Variants in SND1 observed in about 807,000 individuals in gnomAD.
The protein encoded by SND1 is staphylococcal nuclease and tudor domain containing 1, also known as staphylococcal nuclease domain-containing protein 1.
A neutral mutation model predicts 121.7 loss-of-function variants in SND1; 38 were observed. The observed-to-expected ratio is 0.31, with a 90% CI of 0.24 to 0.41. The LOEUF (loss-of-function observed/expected upper bound fraction) is 0.41, where lower values mean the gene tolerates loss of function less well. Among genes scored for constraint, SND1 ranks in the 10% least tolerant of loss-of-function variants. SND1 has a pLI of 1.00. For synonymous variants in SND1, 401 were observed against 447.4 expected (o/e 0.90, Z 1.31); for missense variants, 868 against 1,184.6 (o/e 0.73, Z 3.92).
At chr7:127,808,495 T>G (rs556256813) in intron 11 of SND1, among the ~76,000 whole-genome samples, 19 of 152,346 alleles carry the variant, frequency 1.2e-4, no homozygotes, top group South Asian at 1.0e-3. Context: ...CTCTGACTTT[T>G]GAACTAATAC....
chr7:127,772,568 GA>G (rs991698306), intron 10 of SND1, among the ~76,000 whole-genome samples: 101 of 152,260 alleles, frequency 6.6e-4, no homozygotes, highest in African/African-American at 2.4e-3. Context: ...CTCATTGTCA[GA>G]AATCCTCAAA....
chr7:127,679,460 A>G (rs73450937), intron 1 of SND1, among the ~76,000 whole-genome samples: 1 of 152,196 alleles, frequency 6.6e-6, no homozygotes, highest in Non-Finnish European at 1.5e-5. Context: ...TATAATTAAC[A>G]TACCATAAAG....
chr7:127,753,046 T>G (rs900311340), intron 10 of SND1, among the ~76,000 whole-genome samples: 1 of 152,172 alleles, frequency 6.6e-6, no homozygotes, highest in Admixed American at 6.5e-5. Context: ...TTTGGCAGCA[T>G]GGAGATAAAC....
At chr7:127,820,013 T>C (rs1798517964) in intron 11 of SND1, among the ~76,000 whole-genome samples, 2 of 152,190 alleles carry the variant, frequency 1.3e-5, no homozygotes, top group South Asian at 2.1e-4. Flanking sequence ...AATCACCCAT[T>C]ATGCCCGCCT....
chr7:127,888,114 T>C, intron 13 of SND1, 102 bp downstream of exon 13: 1 of 660,850 alleles, frequency 1.5e-6, no homozygotes, highest in Non-Finnish European at 2.7e-6. Flanking sequence ...GAAAATAATA[T>C]GCTGAGAAAG....
rs749423040 is a variant in SND1 at position 127,679,956 on chromosome 7, G to A, written c.79-6657G>A. Among the ~76,000 whole-genome samples, 13 of 151,946 alleles carry A rather than the reference G, an allele frequency of 8.6e-5. No individual in the cohort carries two copies. The East Asian group carries it at 9.6e-4, about 11-fold the overall frequency. On this transcript the variant is annotated intron_variant, in intron 1 of 23. Transcript: ENST00000354725. ...GTATTTCTCTTGGATATATACTATC[G>A]GGGAACCTGCCCCTGATAGTCACGT... is the stretch of plus-strand genomic sequence containing the variant.
chr7:127,982,819 A>C (rs897988073), intron 15 of SND1, among the ~76,000 whole-genome samples: 4 of 152,234 alleles, frequency 2.6e-5, no homozygotes, highest in African/African-American at 9.6e-5. Flanking sequence ...TCTACTTTAA[A>C]GCTTATGAGC....
chr7:127,698,704 A>G (rs972439644), intron 3 of SND1, among the ~76,000 whole-genome samples, 171 bp from the exon 4 acceptor site: 2 of 152,220 alleles, frequency 1.3e-5, no homozygotes, highest in African/African-American at 2.4e-5. Flanking sequence ...ACTAGATATT[A>G]TGGGAAAAGA....
intron 15 of SND1, among the ~76,000 whole-genome samples, chr7:127,966,259 C>T (rs1289316566): frequency 6.6e-6 from 1 of 151,670 alleles, no homozygotes; most frequent in Non-Finnish European, 1.5e-5. Context: ...TAATGGGATA[C>T]TTTAACACCC....
chr7:127,928,083 A>C (rs1281755557), intron 14 of SND1: 1 of 152,248 alleles, frequency 6.6e-6, no homozygotes, highest in African/African-American at 2.4e-5. Flanking sequence ...AAGGATTTGA[A>C]GGCCCTTCGC....
chr7:128,012,617 A>G (rs1364009952), intron 16 of SND1, among the ~76,000 whole-genome samples: 1 of 152,096 alleles, frequency 6.6e-6, no homozygotes, highest in Non-Finnish European at 1.5e-5. Flanking sequence ...TTCAGTGCCT[A>G]TTCCAACTCC....
chr7:127,898,126 T>C (rs1029228910), intron 13 of SND1, among the ~76,000 whole-genome samples: 1 of 152,100 alleles, frequency 6.6e-6, no homozygotes, highest in Non-Finnish European at 1.5e-5. Flanking sequence ...ATAATCCCTT[T>C]CCTCCCCCTT....
intron 16 of SND1, among the ~76,000 whole-genome samples, chr7:128,065,902 A>T (rs1004446051): frequency 1.8e-4 from 27 of 152,290 alleles, no homozygotes; most frequent in African/African-American, 6.0e-4. Flanking sequence ...TCCGGGACAG[A>T]ATGAGGGCCC....
chr7:127,817,721 C>CTTTTTT (rs72233818), intron 11 of SND1, among the ~76,000 whole-genome samples: 2 of 104,072 alleles, frequency 1.9e-5, no homozygotes, highest in Admixed American at 1.0e-4. Flanking sequence ...TTCCTTCATA[C>CTTTTTT]TTTTTTTTTT....
chr7:127,955,505 G>A (rs78157432), intron 15 of SND1, among the ~76,000 whole-genome samples: 4 of 152,156 alleles, frequency 2.6e-5, no homozygotes, highest in African/African-American at 7.2e-5. Context: ...GTGGAGTTGT[G>A]GGGGGGTGGT....
rs552422963 is a variant in SND1 at position 127,743,239 on chromosome 7, G to T, written c.1152+21839G>T. Among the ~76,000 whole-genome samples the T allele has an allele frequency of 5.3e-5, 8 of 152,300 alleles. No homozygotes were observed. In the South Asian group the frequency reaches 1.5e-3, roughly 28 times the overall value. On this transcript the variant is annotated intron_variant, in intron 10 of 23. Coordinates refer to ENST00000354725, the MANE Select transcript of SND1 (RefSeq NM_014390.4). ...AAATCCCACAAACCTGCCAGGTGTT[G>T]GTCATTAGGTACATGTTTGAATGTT...
chr7:128,088,639 GAC>G (rs1187628073), intron 21 of SND1, among the ~76,000 whole-genome samples: 1 of 151,798 alleles, frequency 6.6e-6, no homozygotes, highest in East Asian at 1.9e-4. Context: ...TTTCAGTAGA[GAC>G]AGGGTTTCAC....
chr7:127,811,850 A>G (rs889897568), intron 11 of SND1, among the ~76,000 whole-genome samples: 3 of 152,162 alleles, frequency 2.0e-5, no homozygotes, highest in Non-Finnish European at 2.9e-5. Flanking sequence ...TTTGGTGGCT[A>G]CCATTTTATG....
chr7:127,723,909 G>A (rs187163051), intron 10 of SND1, among the ~76,000 whole-genome samples: 86 of 152,174 alleles, frequency 5.7e-4, no homozygotes, highest in Non-Finnish European at 7.5e-4. Flanking sequence ...TAAATGAGAC[G>A]TTCTTCCCCT....
Sources: gnomAD v4.1 joint callset for allele counts (sites outside exome capture counted in the v4.1 genomes callset) on GRCh38, gnomAD v4.1.1 for gene constraint, MANE v1.5 for transcripts, NCBI Gene and HGNC (gene_info 2026-07-23, HGNC 2026-07-21) for gene names.